The following ATP2C2 variants were observed in gnomAD, a reference collection of about 807,000 sequenced individuals.
The protein encoded by ATP2C2 is calcium-transporting ATPase type 2C member 2.
A neutral mutation model predicts 110.8 loss-of-function variants in ATP2C2; 171 were observed. That is an observed-to-expected ratio of 1.54 (90% CI 1.36 to 1.75). ATP2C2 has a LOEUF of 1.75. ATP2C2 is among the 40% of genes most tolerant of loss of function. The pLI is 0.00. For synonymous variants in ATP2C2, 804 were observed against 508.4 expected (o/e 1.58, Z -7.82); for missense variants, 1,963 against 1,235.0 (o/e 1.59, Z -8.84).
At position 84,411,739 on chromosome 16, in the gene ATP2C2, G is replaced by A. The variant is rs904883802; in HGVS notation, c.515+974G>A. Among the ~76,000 whole-genome samples the A allele has an allele frequency of 2.6e-5, 4 of 152,242 alleles. No individual in the cohort carries two copies. The South Asian group carries it at 8.3e-4, about 32-fold the overall frequency. On this transcript the variant is annotated intron_variant, in intron 6 of 26. Transcript: ENST00000262429. ...TTACAGGTGTGAGCCACCGTGCCCG[G>A]CCGACAAACTAAATTCTTAATGTTA...
chr16:84,379,374 T>A (rs1249431639), intron 1 of ATP2C2, among the ~76,000 whole-genome samples: 1 of 152,184 alleles, frequency 6.6e-6, no homozygotes, highest in Non-Finnish European at 1.5e-5. Flanking sequence ...CTAAGTTGCC[T>A]AGGCTGGTCT....
chr16:84,448,423 C>G (rs572304366), intron 16 of ATP2C2, 110 bp from the exon 17 acceptor site: 9 of 1,338,950 alleles, frequency 6.7e-6, no homozygotes, highest in South Asian at 1.5e-5. Context: ...AATAACTCCG[C>G]TGCAAAGATC....
Position 84,461,707 on chromosome 16 carries a change from C to G in ATP2C2, c.2482-7C>G, listed in dbSNP as rs1303931444. On this transcript the variant is annotated splice_polypyrimidine_tract_variant and splice_region_variant and intron_variant, in intron 24 of 26. Transcript: ENST00000262429. Reference sequence around the variant, plus strand: ...CCTAACCTCTCACCTTTGTGCTCACCTTCCAGATGCCTGAAGACAGAGCAA... The same window carrying G: ...CCTAACCTCTCACCTTTGTGCTCACGTTCCAGATGCCTGAAGACAGAGCAA... The G allele has an allele frequency of 1.2e-6, 2 of 1,613,328 alleles. No homozygotes were observed. The highest frequency in any genetic ancestry group is 1.7e-6 in the Non-Finnish European group (2 of 1,179,240).
intron 15 of ATP2C2, among the ~76,000 whole-genome samples, chr16:84,445,322 C>T (rs905228319): frequency 6.6e-6 from 1 of 152,030 alleles, no homozygotes; most frequent in East Asian, 1.9e-4. Flanking sequence ...GATTCTCCTG[C>T]CTCAGCCTCC....
chr16:84,428,112 T>C (rs1029920429), intron 11 of ATP2C2, among the ~76,000 whole-genome samples: 1 of 152,206 alleles, frequency 6.6e-6, no homozygotes, highest in African/African-American at 2.4e-5. Flanking sequence ...AAACTCCTGG[T>C]GGATTGAGGC....
rs1911074614 is a variant in ATP2C2, at chr16:84,459,647, C to A, written c.2333+261C>A. The A allele has an allele frequency of 2.8e-6, 4 of 1,430,630 alleles. No homozygotes were observed. The African/African-American group carries it at 4.2e-5, about 15-fold the overall frequency. 88.6% of individuals were successfully genotyped at this position (1,430,630 alleles called of 1,614,324 possible). A position where few individuals can be genotyped will look rare whatever the true frequency, so the allele number is the denominator to read the frequency against. On this transcript the variant is annotated intron_variant, in intron 23 of 26. Coordinates refer to ENST00000262429, the MANE Select transcript of ATP2C2 (RefSeq NM_014861.4). ...CTGGATGCTCTCTCTGGGCAACCTG[C>A]ATGGCTCATTCTCATGCTTCATTCC...
At chr16:84,459,448 G>C in intron 23 of ATP2C2, 62 bp downstream of exon 23, 1 of 1,603,378 alleles carries the variant, frequency 6.2e-7, no homozygotes, top group Admixed American at 1.7e-5. Context: ...TTCCTCCAGG[G>C]GCTGCTGGCT....
At chr16:84,419,299 C>G (rs1907117985) in intron 7 of ATP2C2, among the ~76,000 whole-genome samples, 1 of 151,424 alleles carries the variant, frequency 6.6e-6, no homozygotes, top group Non-Finnish European at 1.5e-5. Context: ...CTGGCCTTTC[C>G]CAGCTTCTAG....
intron 1 of ATP2C2, among the ~76,000 whole-genome samples, chr16:84,384,200 G>C (rs1036614380): frequency 3.3e-5 from 5 of 152,168 alleles, no homozygotes; most frequent in Admixed American, 2.0e-4. Flanking sequence ...GCGTTGTCCT[G>C]GTAACAGGGA....
intron 1 of ATP2C2, among the ~76,000 whole-genome samples, chr16:84,384,371 C>A (rs764325954): frequency 6.6e-6 from 1 of 152,138 alleles, no homozygotes; most frequent in Non-Finnish European, 1.5e-5. Context: ...TTGAGTTTGT[C>A]TAATGTTTCC....
intron 1 of ATP2C2, among the ~76,000 whole-genome samples, chr16:84,386,009 A>C (rs2151403994): frequency 6.6e-6 from 1 of 152,342 alleles, no homozygotes; most frequent in African/African-American, 2.4e-5. Flanking sequence ...GCCAACGGGA[A>C]CCCTTTCAAG....
At chr16:84,389,708 T>C (rs1228975574) in intron 1 of ATP2C2, among the ~76,000 whole-genome samples, 1 of 143,700 alleles carries the variant, frequency 7.0e-6, no homozygotes, top group East Asian at 2.1e-4. Context: ...GGAACTTCAC[T>C]CTCACTGTTT....
chr16:84,382,439 C>A (rs1355433003), intron 1 of ATP2C2, among the ~76,000 whole-genome samples: 1 of 152,218 alleles, frequency 6.6e-6, no homozygotes, highest in Non-Finnish European at 1.5e-5. Context: ...CTTTTAAGAA[C>A]AGTTGCATTG....
intron 4 of ATP2C2, among the ~76,000 whole-genome samples, chr16:84,410,078 A>T (rs961297385): frequency 6.6e-6 from 1 of 152,126 alleles, no homozygotes; most frequent in Non-Finnish European, 1.5e-5. Flanking sequence ...GCATGGTGGC[A>T]TGTGCCTGTG....
At chr16:84,368,975 G>A (rs1301638271) in intron 1 of ATP2C2, among the ~76,000 whole-genome samples, 1 of 152,214 alleles carries the variant, frequency 6.6e-6, no homozygotes, top group Non-Finnish European at 1.5e-5. Context: ...ATTCCCTAAG[G>A]GGCACGGAGC....
At chr16:84,412,898 C>A (rs982806929) in intron 6 of ATP2C2, among the ~76,000 whole-genome samples, 1 of 151,766 alleles carries the variant, frequency 6.6e-6, no homozygotes, top group Non-Finnish European at 1.5e-5. Flanking sequence ...GAGTTCAAGA[C>A]CAGCCTGGCC....
intron 3 of ATP2C2, chr16:84,407,481 G>A (rs1028798004): frequency 1.3e-5 from 2 of 151,972 alleles, no homozygotes; most frequent in East Asian, 1.9e-4. Context: ...TATTATTATT[G>A]TTATATTCTG....
At chr16:84,381,512 G>T (rs1261417722) in intron 1 of ATP2C2, among the ~76,000 whole-genome samples, 1 of 152,060 alleles carries the variant, frequency 6.6e-6, no homozygotes, top group African/African-American at 2.4e-5. Context: ...GGGAAGCAGA[G>T]GTTGCAGTGA....
chr16:84,410,619 G>T lies in ATP2C2; in HGVS notation c.453+16G>T, dbSNP rs754978025. On this transcript the variant is annotated intron_variant, in intron 5 of 26. Transcript: ENST00000262429. The stretch of plus-strand genomic sequence containing the variant: ...CTTCATCCAGGTGAGTATTTCCTGA[G>T]GTCCCAGTCAGGGTAAGCTGGGCGG... 28 of 1,613,910 alleles carry T rather than the reference G, an allele frequency of 1.7e-5. No homozygotes were observed. The highest frequency in any genetic ancestry group is 2.7e-5 in the African/African-American group (2 of 74,912).
Sources: allele counts gnomAD v4.1 joint callset (sites outside exome capture counted in the v4.1 genomes callset), GRCh38; gene constraint gnomAD v4.1.1; transcripts MANE v1.5; gene names NCBI Gene and HGNC (gene_info 2026-07-23, HGNC 2026-07-21).